The following LCN2 variants were observed in gnomAD, a reference collection of about 807,000 sequenced individuals.
LCN2 encodes the protein neutrophil gelatinase-associated lipocalin.
LCN2 carries 27 observed loss-of-function variants against 26.4 expected under a neutral mutation model. The ratio of observed to expected loss-of-function variants is 1.02; its 90% CI spans 0.76 to 1.41. The LOEUF is 1.41. Ranked by LOEUF, LCN2 falls within the 40% of genes most tolerant of loss-of-function variation. LCN2 has a pLI of 0.00. For synonymous variants in LCN2, 94 were observed against 98.9 expected, an observed-to-expected ratio of 0.95 and a Z score of 0.30; for missense variants, 224 against 237.6, an observed-to-expected ratio of 0.94 and a Z score of 0.38.
At chr9:128,150,955 G>T (rs1050422832) in intron 2 of LCN2, among the ~76,000 whole-genome samples, 3 of 152,244 alleles carry the variant, frequency 2.0e-5, no homozygotes, top group East Asian at 1.9e-4. Context: ...AGCCTAGGGG[G>T]TCGGGAGACC....
chr9:128,152,936 C>G (rs933372169), intron 5 of LCN2, among the ~76,000 whole-genome samples, 164 bp from the exon 6 acceptor site: 2 of 152,132 alleles, frequency 1.3e-5, no homozygotes, highest in African/African-American at 4.8e-5. Context: ...CCTCTGTTGC[C>G]CCATCTCTGA....
At position 128,153,386 on chromosome 9, in the gene LCN2, A is replaced by T; in HGVS notation, c.*83A>T. The T allele has an allele frequency of 1.7e-6, 1 of 574,166 alleles. No individual in the cohort carries two copies. The highest frequency in any genetic ancestry group is 2.0e-5 in the South Asian group (1 of 50,674). The allele number at this position is 574,166 out of a possible 1,614,324, so 35.6% of individuals were successfully genotyped here. On this transcript the variant is annotated 3_prime_UTR_variant, in exon 7 of 7. Coordinates refer to ENST00000277480, the MANE Select transcript of LCN2 (RefSeq NM_005564.5). The surrounding 1 kb of genome is among the most constrained non-coding windows in gnomAD (Gnocchi z 5.4). ...ACCCTCCCCACAGTGCCACCCATGC[A>T]GCTGCTCCCCAGGCCACCCCGCTGA...
intron 5 of LCN2, among the ~76,000 whole-genome samples, chr9:128,152,602 T>TC (rs1829145868): frequency 6.6e-6 from 1 of 152,150 alleles, no homozygotes; most frequent in Non-Finnish European, 1.5e-5. Flanking sequence ...CTGGCCACCC[T>TC]CCCAGGCCCC....
At chr9:128,152,689 C>T (rs1006429197) in intron 5 of LCN2, among the ~76,000 whole-genome samples, 1 of 152,196 alleles carries the variant, frequency 6.6e-6, no homozygotes, top group Non-Finnish European at 1.5e-5. Context: ...TCCTCTCTCC[C>T]CTGGGGACTT....
At chr9:128,150,399 T>A in intron 2 of LCN2, 25 bp downstream of exon 2, 1 of 1,613,876 alleles carries the variant, frequency 6.2e-7, no homozygotes, top group Non-Finnish European at 8.5e-7. Context: ...CTCCTGGGGG[T>A]GTGAGAGTCA....
Position 128,153,440 on chromosome 9 carries a change from C to T in LCN2, c.*137C>T. 1 of 489,662 alleles carries T rather than the reference C, an allele frequency of 2.0e-6. No homozygotes were observed. The highest frequency in any genetic ancestry group is 3.8e-6 in the Non-Finnish European group (1 of 265,180). The allele number at this position is 489,662 out of a possible 1,614,324, so 30.3% of individuals were successfully genotyped here. ...AGCCCCACCTTGTCTGCTAAATAAA[C>T]ATGTGCCCTCAGGCCTCTGAGTCTA... On this transcript the variant is annotated 3_prime_UTR_variant, in exon 7 of 7. Transcript: ENST00000277480. The surrounding 1 kb of genome is among the most constrained non-coding windows in gnomAD (Gnocchi z 5.4).
chr9:128,150,900 G>C (rs1835000229), intron 2 of LCN2, among the ~76,000 whole-genome samples: 1 of 152,270 alleles, frequency 6.6e-6, no homozygotes, highest in Admixed American at 6.5e-5. Context: ...GAGTGGCTTA[G>C]AGCAGGGCTC....
rs764904714 is a variant in LCN2 at position 128,150,298 on chromosome 9, G to C, written c.199G>C (p.Asp67His). Reference sequence around the variant, plus strand: ...GAATGCAATTCTCAGAGAAGACAAAGACCCGCAAAAGATGTATGCCACCAT... The same window carrying C: ...GAATGCAATTCTCAGAGAAGACAAACACCCGCAAAAGATGTATGCCACCAT... Reference protein sequence around the residue: ...AGNAILREDKDPQKMYATIYE... With the variant: ...AGNAILREDKHPQKMYATIYE... The change falls in exon 2 of 7, where the codon GAC (aspartate) becomes CAC (histidine). Residue 67 changes from aspartate (D) to histidine (H), a missense_variant. Transcript: ENST00000277480. 6.2e-7 allele frequency: 1 copy of C among 1,614,180 alleles called. No homozygotes were observed. The highest frequency in any genetic ancestry group is 1.1e-5 in the South Asian group (1 of 91,082).
intron 2 of LCN2, chr9:128,151,384 G>A: frequency 1.7e-6 from 1 of 595,908 alleles, no homozygotes; most frequent in South Asian, 2.1e-5. Flanking sequence ...ATCGGGTGCT[G>A]GAGGGTCTGA....
intron 5 of LCN2, 38 bp downstream of exon 5, chr9:128,152,322 G>T: frequency 6.4e-7 from 1 of 1,558,674 alleles, no homozygotes; most frequent in Non-Finnish European, 8.8e-7. Context: ...GGGACATGGG[G>T]ACTGTTCAGG....
At position 128,151,833 on chromosome 9, in the gene LCN2, G is replaced by T. The variant is rs921527809; in HGVS notation, c.356-73G>T. The T allele has an allele frequency of 5.0e-6, 8 of 1,604,174 alleles. No individual in the cohort carries two copies. In the African/African-American group the frequency reaches 1.1e-4, roughly 21 times the overall value. The stretch of plus-strand genomic sequence containing the variant: ...GTATGGGGAGAAGCCCACGTTGATG[G>T]GCTGGGGAGGGAGGGGACAGCTCCC... On this transcript the variant is annotated intron_variant, in intron 3 of 6. Coordinates refer to ENST00000277480, the MANE Select transcript of LCN2 (RefSeq NM_005564.5).
Position 128,151,698 on chromosome 9 carries a change from C to T in LCN2, c.336C>T (p.Phe112=). Reference sequence around the variant, plus strand: ...TTCCAGGTTGCCAGCCCGGCGAGTTCACGCTGGGCAACATTAAGAGTGAGT... The same window carrying T: ...TTCCAGGTTGCCAGCCCGGCGAGTTTACGCTGGGCAACATTAAGAGTGAGT... ...TFVPGCQPGE[F]TLGNIKSYPG... is the part of the protein sequence containing the mutation. Residue 112 remains phenylalanine (F), a synonymous_variant, in exon 3 of 7, where the codon TTC becomes TTT. Transcript: ENST00000277480. 6.2e-7 allele frequency: 1 copy of T among 1,614,058 alleles called. No individual in the cohort carries two copies. Among genetic ancestry groups the T allele is most frequent in the Non-Finnish European group, 8.5e-7 (1 of 1,179,918 alleles).
At chr9:128,149,708 G>C in intron 1 of LCN2, 45 bp downstream of exon 1, 2 of 1,610,686 alleles carry the variant, frequency 1.2e-6, no homozygotes, top group Non-Finnish European at 1.7e-6. Context: ...CTGGGGAAGA[G>C]TGGGAGCAGA....
chr9:128,150,453 G>C, intron 2 of LCN2, 79 bp downstream of exon 2: 3 of 1,571,406 alleles, frequency 1.9e-6, no homozygotes, highest in Non-Finnish European at 2.6e-6. Context: ...GAGGGATCCT[G>C]TCGTTCACCT....
At chr9:128,151,810 A>G (rs1350178931) in intron 3 of LCN2, 93 bp downstream of exon 3, 3 of 1,546,432 alleles carry the variant, frequency 1.9e-6, no homozygotes, top group Non-Finnish European at 2.7e-6. Flanking sequence ...GATGTGTTGT[A>G]TGGGGAGAAG....
chr9:128,150,761 C>G (rs547950251), intron 2 of LCN2, among the ~76,000 whole-genome samples: 5 of 152,092 alleles, frequency 3.3e-5, no homozygotes, highest in African/African-American at 1.2e-4. Context: ...CAGAGAGAGC[C>G]CCCCCTTCAG....
Position 128,151,736 on chromosome 9 carries a change from G to A in LCN2, c.355+19G>A, listed in dbSNP as rs183777464. The A allele has an allele frequency of 5.5e-4, 889 of 1,611,600 alleles. 2 individuals carry two copies. The highest frequency in any genetic ancestry group is 4.8e-4 in the Non-Finnish European group (563 of 1,177,770). On this transcript the variant is annotated intron_variant, in intron 3 of 6. Transcript: ENST00000277480. ...ATTAAGAGTGAGTCTTGAGTGAGGT[G>A]GGGCACTGAGTTGGGGCTCCGGGGA... is the stretch of plus-strand genomic sequence containing the variant.
At chr9:128,151,615 C>T in intron 2 of LCN2, 23 bp from the exon 3 acceptor site, 1 of 1,600,558 alleles carries the variant, frequency 6.2e-7, no homozygotes, top group Non-Finnish European at 8.6e-7. Flanking sequence ...TCCCCTCTCA[C>T]CCACCCATCT....
chr9:128,151,123 G>A (rs915666640), intron 2 of LCN2, among the ~76,000 whole-genome samples: 1 of 152,108 alleles, frequency 6.6e-6, no homozygotes, highest in African/African-American at 2.4e-5. Flanking sequence ...AATACAGACA[G>A]GTTGGGGAGC....
Sources: gnomAD v4.1 joint callset for allele counts (sites outside exome capture counted in the v4.1 genomes callset) on GRCh38, gnomAD v4.1.1 for gene constraint, Gnocchi (gnomAD v3.1) non-coding constraint, MANE v1.5 for transcripts, NCBI Gene and HGNC (gene_info 2026-07-23, HGNC 2026-07-21) for gene names.